Variants in ADAM32 observed in about 807,000 individuals in gnomAD.
ADAM32 encodes disintegrin and metalloproteinase domain-containing protein 32.
Under a neutral mutation model 114.9 loss-of-function variants are expected in ADAM32, and 89 were observed. That is an observed-to-expected ratio of 0.77 (90% CI 0.65 to 0.92). The LOEUF (loss-of-function observed/expected upper bound fraction) is 0.92, where lower values mean the gene tolerates loss of function less well. ADAM32 is among the 40% of genes least tolerant of loss of function. The pLI, the probability that ADAM32 is intolerant of heterozygous loss-of-function variation, is 0.00. For synonymous variants in ADAM32, 285 were observed against 307.5 expected, an observed-to-expected ratio of 0.93 and a Z score of 0.77; for missense variants, 870 against 932.8, an observed-to-expected ratio of 0.93 and a Z score of 0.88.
chr8:39,252,938 C>T (rs1474243243), intron 17 of ADAM32, among the ~76,000 whole-genome samples: 1 of 151,544 alleles, frequency 6.6e-6, no homozygotes, highest in African/African-American at 2.4e-5. Flanking sequence ...CGAAGAAAAT[C>T]TCAGGACTAG....
chr8:39,241,539 C>T (rs1187160444), intron 16 of ADAM32, among the ~76,000 whole-genome samples: 1 of 152,202 alleles, frequency 6.6e-6, no homozygotes, highest in Non-Finnish European at 1.5e-5. Flanking sequence ...TGACTCTTGG[C>T]TTCTGTGCAT....
chr8:39,182,512 T>C (rs1805965097), intron 10 of ADAM32, among the ~76,000 whole-genome samples: 1 of 152,224 alleles, frequency 6.6e-6, no homozygotes, highest in Non-Finnish European at 1.5e-5. Context: ...CACATACTTA[T>C]CATTTTTACG....
chr8:39,175,571 C>A (rs1264764490), intron 10 of ADAM32, among the ~76,000 whole-genome samples: 1 of 152,116 alleles, frequency 6.6e-6, no homozygotes, highest in South Asian at 2.1e-4. Flanking sequence ...CAGCTGGATT[C>A]AGTTTGCCAG....
chr8:39,246,188 T>G, intron 17 of ADAM32, 22 bp downstream of exon 17: 1 of 1,598,212 alleles, frequency 6.3e-7, no homozygotes. Context: ...CATGTTTCCC[T>G]GAATCACATT....
chr8:39,140,414 G>A (rs934104796), intron 3 of ADAM32, among the ~76,000 whole-genome samples: 1 of 152,044 alleles, frequency 6.6e-6, no homozygotes, highest in African/African-American at 2.4e-5. Flanking sequence ...TGAGATCATC[G>A]TGGTTTTTAT....
At chr8:39,138,563 C>T (rs199546943) in intron 3 of ADAM32, among the ~76,000 whole-genome samples, 4 of 152,260 alleles carry the variant, frequency 2.6e-5, no homozygotes, top group South Asian at 2.1e-4. Context: ...TTTCTTTATC[C>T]ATTCTAGCAT....
intron 12 of ADAM32, among the ~76,000 whole-genome samples, chr8:39,220,608 C>T (rs1286512420): frequency 6.6e-6 from 1 of 151,780 alleles, no homozygotes; most frequent in Non-Finnish European, 1.5e-5. Context: ...TTTTGTTATG[C>T]TGTGTTTCTA....
At chr8:39,113,814 C>T (rs368211939) in intron 1 of ADAM32, among the ~76,000 whole-genome samples, 4 of 152,076 alleles carry the variant, frequency 2.6e-5, no homozygotes, top group Admixed American at 6.5e-5. Flanking sequence ...CTCTGAGCTA[C>T]GACAGGACAG....
intron 3 of ADAM32, among the ~76,000 whole-genome samples, chr8:39,145,573 T>C (rs1433425851): frequency 6.6e-6 from 1 of 152,136 alleles, no homozygotes; most frequent in Non-Finnish European, 1.5e-5. Flanking sequence ...TAAAGGGACT[T>C]AGAAACGTAG....
At chr8:39,274,441 A>G in intron 21 of ADAM32, 91 bp downstream of exon 21, 1 of 1,436,512 alleles carries the variant, frequency 7.0e-7, no homozygotes, top group South Asian at 1.2e-5. Context: ...TTTTTGAACA[A>G]TGTCAATTGG....
intron 3 of ADAM32, among the ~76,000 whole-genome samples, chr8:39,140,366 G>T (rs1009444345): frequency 6.6e-6 from 1 of 152,094 alleles, no homozygotes; most frequent in African/African-American, 2.4e-5. Context: ...TAGCATGAAG[G>T]GCTGTTGAAT....
intron 23 of ADAM32, among the ~76,000 whole-genome samples, chr8:39,283,008 T>C (rs1813526353): frequency 6.6e-6 from 1 of 152,200 alleles, no homozygotes; most frequent in South Asian, 2.1e-4. Flanking sequence ...TGTATTATCT[T>C]CTCTGTGAAT....
intron 4 of ADAM32, among the ~76,000 whole-genome samples, chr8:39,148,361 C>T (rs528389367): frequency 1.3e-5 from 2 of 152,248 alleles, no homozygotes; most frequent in African/African-American, 4.8e-5. Context: ...TCTTTCCCAA[C>T]AGACCCATAT....
At chr8:39,182,363 T>C (rs559412488) in intron 10 of ADAM32, among the ~76,000 whole-genome samples, 180 of 152,318 alleles carry the variant, frequency 1.2e-3, no homozygotes, top group African/African-American at 4.2e-3. Flanking sequence ...TAGAGAAAGA[T>C]TGTTTTTTCT....
chr8:39,172,366 A>T (rs926595215), intron 10 of ADAM32, among the ~76,000 whole-genome samples: 2 of 152,078 alleles, frequency 1.3e-5, no homozygotes, highest in African/African-American at 4.8e-5. Flanking sequence ...CATATGCAGG[A>T]TGTGTAGGTT....
chr8:39,124,424 T>A (rs1018896037), intron 2 of ADAM32, among the ~76,000 whole-genome samples: 11 of 151,674 alleles, frequency 7.3e-5, no homozygotes, highest in East Asian at 1.9e-4. Flanking sequence ...CTTTTTTTTT[T>A]TTTTTATTTT....
intron 16 of ADAM32, among the ~76,000 whole-genome samples, chr8:39,245,862 C>T (rs1017517283): frequency 1.3e-5 from 2 of 152,104 alleles, no homozygotes; most frequent in African/African-American, 2.4e-5. Context: ...CATGAAGAAA[C>T]ATAGTAATAA....
intron 2 of ADAM32, among the ~76,000 whole-genome samples, chr8:39,133,389 A>G (rs941557137): frequency 2.6e-5 from 4 of 152,230 alleles, no homozygotes; most frequent in African/African-American, 9.6e-5. Flanking sequence ...AATCAACATC[A>G]GTGATGTCTG....
chr8:39,149,191 C>A (rs1803678236), intron 4 of ADAM32, among the ~76,000 whole-genome samples: 1 of 152,084 alleles, frequency 6.6e-6, no homozygotes, highest in Admixed American at 6.5e-5. Flanking sequence ...TTTTACTATT[C>A]TTTCAATTGT....
Sources: allele counts gnomAD v4.1 joint callset (sites outside exome capture counted in the v4.1 genomes callset), GRCh38; gene constraint gnomAD v4.1.1; transcripts MANE v1.5; gene names NCBI Gene and HGNC (gene_info 2026-07-23, HGNC 2026-07-21).